MIPOL1: variants seen among roughly 807,000 people sequenced by gnomAD.
MIPOL1 encodes mirror-image polydactyly gene 1 protein.
A neutral mutation model predicts 60.9 loss-of-function variants in MIPOL1; 57 were observed. The ratio of observed to expected loss-of-function variants is 0.94; its 90% CI spans 0.76 to 1.17. The LOEUF is 1.17. Among genes scored for constraint, MIPOL1 ranks in the 50% most tolerant of loss-of-function variants. The pLI, the probability that MIPOL1 is intolerant of heterozygous loss-of-function variation, is 0.00. For missense variants in MIPOL1, 551 were observed against 511.6 expected, an observed-to-expected ratio of 1.08 and a Z score of -0.74; for synonymous variants, 179 against 168.8, an observed-to-expected ratio of 1.06 and a Z score of -0.47.
rs869027204 is a variant in MIPOL1 at position 37,476,895 on chromosome 14, CTTTTTTT to C, written c.1032-22996_1032-22990del. 3.0e-4 allele frequency among the ~76,000 whole-genome samples: 26 copies of C among 87,342 alleles called. No individual in the cohort carries two copies. In the South Asian group the frequency reaches 6.5e-3, roughly 22 times the overall value. The allele number at this position is 87,342 out of a possible 152,430, so 57.3% of individuals were successfully genotyped here. On this transcript the variant is annotated intron_variant, in intron 11 of 12. Transcript: ENST00000684589. ...TGTAAGTTTTACTTTCTTGTAATGT[CTTTTTTT>C]TTTTTTTTTTTTTTTTGAGACGGAG...
At chr14:37,349,203 G>T (rs961835651) in intron 9 of MIPOL1, among the ~76,000 whole-genome samples, 2 of 151,902 alleles carry the variant, frequency 1.3e-5, no homozygotes, top group South Asian at 2.1e-4. Context: ...GGCTAGGCTG[G>T]TCTCGTACTC....
chr14:37,409,950 C>T (rs541930178), intron 10 of MIPOL1, among the ~76,000 whole-genome samples: 6 of 152,108 alleles, frequency 3.9e-5, no homozygotes, highest in East Asian at 1.9e-4. Flanking sequence ...AGAATACAGG[C>T]GATCCAGGAA....
intron 11 of MIPOL1, among the ~76,000 whole-genome samples, chr14:37,448,474 A>G (rs1451196688): frequency 6.6e-6 from 1 of 152,248 alleles, no homozygotes; most frequent in Admixed American, 6.5e-5. Flanking sequence ...AGGTTCTAAT[A>G]CATAGCAAAA....
intron 3 of MIPOL1, among the ~76,000 whole-genome samples, chr14:37,264,328 A>G (rs1175562392): frequency 6.9e-6 from 1 of 144,676 alleles, no homozygotes; most frequent in Non-Finnish European, 1.5e-5. Flanking sequence ...ATGTTTCAGA[A>G]AAAAAAAAAT....
At chr14:37,283,092 G>C (rs2084261852) in intron 6 of MIPOL1, among the ~76,000 whole-genome samples, 1 of 151,716 alleles carries the variant, frequency 6.6e-6, no homozygotes, top group Non-Finnish European at 1.5e-5. Context: ...TGTTTTGAGA[G>C]TCTCATTCTG....
intron 7 of MIPOL1, among the ~76,000 whole-genome samples, chr14:37,290,330 A>G (rs920046284): frequency 6.6e-6 from 1 of 151,932 alleles, no homozygotes; most frequent in Non-Finnish European, 1.5e-5. Context: ...GGTCCGAGCT[A>G]TTTTCCCACC....
intron 5 of MIPOL1, among the ~76,000 whole-genome samples, chr14:37,269,737 G>C (rs2083146969): frequency 1.3e-5 from 2 of 152,138 alleles, no homozygotes; most frequent in Non-Finnish European, 2.9e-5. Context: ...CTGTAAAGCA[G>C]TGCTATCTGT....
chr14:37,456,887 C>T (rs1330928926), intron 11 of MIPOL1, among the ~76,000 whole-genome samples: 1 of 152,044 alleles, frequency 6.6e-6, no homozygotes, highest in African/African-American at 2.4e-5. Context: ...TATGAAAACT[C>T]ACTCTACAGA....
At chr14:37,512,144 C>G (rs1044397062) in intron 12 of MIPOL1, among the ~76,000 whole-genome samples, 1 of 140,030 alleles carries the variant, frequency 7.1e-6, no homozygotes, top group African/African-American at 2.7e-5. Flanking sequence ...CACCCTATAT[C>G]TTTTGAGCAC....
chr14:37,219,315 G>A (rs766661320), intron 1 of MIPOL1, among the ~76,000 whole-genome samples: 11 of 152,146 alleles, frequency 7.2e-5, no homozygotes, highest in African/African-American at 1.2e-4. Flanking sequence ...TATAGTAAAG[G>A]GTTCAAAGGA....
intron 9 of MIPOL1, among the ~76,000 whole-genome samples, chr14:37,358,007 A>G (rs1211342136): frequency 6.7e-6 from 1 of 148,760 alleles, no homozygotes; most frequent in African/African-American, 2.5e-5. Flanking sequence ...GCCCCCTGAG[A>G]GGCCCCCGTG....
chr14:37,491,444 G>T (rs542793026), intron 11 of MIPOL1, among the ~76,000 whole-genome samples: 4 of 152,120 alleles, frequency 2.6e-5, no homozygotes, highest in African/African-American at 9.7e-5. Flanking sequence ...TAGTAGAATC[G>T]CTTGAACCCC....
chr14:37,475,413 T>C (rs1048805866), intron 11 of MIPOL1, among the ~76,000 whole-genome samples: 3 of 152,188 alleles, frequency 2.0e-5, no homozygotes, highest in Admixed American at 2.0e-4. Flanking sequence ...GCACAGAAAT[T>C]TTTACTTTTA....
At position 37,201,211 on chromosome 14, in the gene MIPOL1, G is replaced by T. The variant is rs956317714; in HGVS notation, c.-199+3107G>T. Among the ~76,000 whole-genome samples the T allele has an allele frequency of 3.3e-5, 5 of 152,034 alleles. 1 individual carries two copies. The highest frequency in any genetic ancestry group is 4.1e-4 in the South Asian group (2 of 4,820). ...CAAGCCACCACACCTGGCCAGTATT[G>T]TAAAGCAGCATGTGTTATAGTGTTT... On this transcript the variant is annotated intron_variant, in intron 1 of 12. Coordinates refer to ENST00000684589, the MANE Select transcript of MIPOL1 (RefSeq NM_001388067.1).
chr14:37,453,479 G>A (rs987121452), intron 11 of MIPOL1, among the ~76,000 whole-genome samples: 4 of 152,044 alleles, frequency 2.6e-5, no homozygotes, highest in African/African-American at 9.7e-5. Flanking sequence ...AAGTTATATA[G>A]TCTTTGGAAG....
intron 12 of MIPOL1, among the ~76,000 whole-genome samples, chr14:37,541,795 C>T (rs952562671): frequency 5.3e-5 from 8 of 152,168 alleles, no homozygotes; most frequent in African/African-American, 1.7e-4. Flanking sequence ...GAAAAGTTAA[C>T]CAGTCGTAGT....
chr14:37,209,747 A>G (rs1478789753), intron 1 of MIPOL1, among the ~76,000 whole-genome samples: 1 of 152,160 alleles, frequency 6.6e-6, no homozygotes, highest in Non-Finnish European at 1.5e-5. Flanking sequence ...TCTGTTGCCC[A>G]GGCTGGAGTA....
chr14:37,355,289 T>G (rs1443426378), intron 9 of MIPOL1, among the ~76,000 whole-genome samples: 1 of 121,516 alleles, frequency 8.2e-6, no homozygotes, highest in East Asian at 3.0e-4. Flanking sequence ...GTTAGTCTGA[T>G]GGGCTTCCCT....
chr14:37,543,373 T>C (rs1008675281), intron 12 of MIPOL1, among the ~76,000 whole-genome samples: 3 of 152,138 alleles, frequency 2.0e-5, no homozygotes, highest in Non-Finnish European at 4.4e-5. Context: ...CCTCCCAGGT[T>C]CAAGCAGTTC....
Sources: allele counts gnomAD v4.1 joint callset (sites outside exome capture counted in the v4.1 genomes callset), GRCh38; gene constraint gnomAD v4.1.1; transcripts MANE v1.5; gene names NCBI Gene and HGNC (gene_info 2026-07-23, HGNC 2026-07-21).